Variants in PEPD observed in about 807,000 individuals in gnomAD.
The protein encoded by PEPD is xaa-Pro dipeptidase.
Under a neutral mutation model 60.7 loss-of-function variants are expected in PEPD, and 53 were observed. The ratio of observed to expected loss-of-function variants is 0.87; its 90% CI spans 0.70 to 1.10. The LOEUF (loss-of-function observed/expected upper bound fraction) is 1.10. PEPD is among the 50% of genes least tolerant of loss of function. The probability of loss-of-function intolerance (pLI) is 0.00; values close to 1 mark genes in which losing one functional copy is unlikely to be tolerated. For synonymous variants in PEPD, 267 were observed against 284.1 expected, an observed-to-expected ratio of 0.94 and a Z score of 0.60; for missense variants, 711 against 711.9, an observed-to-expected ratio of 1.00 and a Z score of 0.01.
chr19:33,512,568 C>T (rs1600176342), intron 2 of PEPD, 25 bp downstream of exon 2: 3 of 1,610,328 alleles, frequency 1.9e-6, no homozygotes, highest in Middle Eastern at 1.8e-4. Flanking sequence ...CACCTGCTCA[C>T]TTGTGGCCAA....
chr19:33,499,864 C>T (rs891259927), intron 4 of PEPD, among the ~76,000 whole-genome samples: 1 of 152,218 alleles, frequency 6.6e-6, no homozygotes, highest in Non-Finnish European at 1.5e-5. Context: ...GCTGGGCCCC[C>T]ACATGCTGGG....
At chr19:33,466,177 C>T (rs185223059) in intron 7 of PEPD, among the ~76,000 whole-genome samples, 19 of 152,300 alleles carry the variant, frequency 1.2e-4, no homozygotes, top group Admixed American at 1.2e-3. Context: ...AAGCTTAAAG[C>T]TCTTAGTGAT....
intron 7 of PEPD, among the ~76,000 whole-genome samples, chr19:33,474,346 G>A (rs1970178113): frequency 6.6e-6 from 1 of 152,220 alleles, no homozygotes; most frequent in East Asian, 1.9e-4. Context: ...TTCTTCATCT[G>A]TAGCATGGAA....
At chr19:33,424,907 T>A (rs1428096834) in intron 9 of PEPD, among the ~76,000 whole-genome samples, 1 of 151,888 alleles carries the variant, frequency 6.6e-6, no homozygotes, top group Non-Finnish European at 1.5e-5. Context: ...TTTACTACCA[T>A]GAGAACAGTA....
intron 9 of PEPD, among the ~76,000 whole-genome samples, chr19:33,440,682 C>T (rs551696334): frequency 2.0e-5 from 3 of 152,182 alleles, no homozygotes; most frequent in Non-Finnish European, 2.9e-5. Context: ...CCCAGGACTC[C>T]CTCTACTGCC....
intron 3 of PEPD, among the ~76,000 whole-genome samples, chr19:33,507,092 C>G (rs1266851741): frequency 6.6e-6 from 1 of 152,132 alleles, no homozygotes; most frequent in Non-Finnish European, 1.5e-5. Context: ...AACCCTCCCA[C>G]CATACCCGCA....
At chr19:33,484,501 C>T (rs1373625490) in intron 6 of PEPD, among the ~76,000 whole-genome samples, 16 of 152,120 alleles carry the variant, frequency 1.1e-4, no homozygotes, top group Admixed American at 9.8e-4. Context: ...CGGACACATA[C>T]AGCCATGTGC....
chr19:33,455,602 AAGC>A (rs1969780742), intron 9 of PEPD, among the ~76,000 whole-genome samples: 1 of 151,866 alleles, frequency 6.6e-6, no homozygotes, highest in Non-Finnish European at 1.5e-5. Flanking sequence ...TCCTGGGCTC[AAGC>A]AATCCTCCTG....
chr19:33,447,324 C>A (rs140043127), intron 9 of PEPD, among the ~76,000 whole-genome samples: 11 of 152,310 alleles, frequency 7.2e-5, no homozygotes, highest in Non-Finnish European at 7.4e-5. Context: ...GACCCTGGGG[C>A]TCTGCCTCCA....
At chr19:33,397,656 C>T (rs1968396567) in intron 12 of PEPD, among the ~76,000 whole-genome samples, 1 of 151,746 alleles carries the variant, frequency 6.6e-6, no homozygotes, top group African/African-American at 2.4e-5. Flanking sequence ...AGGGATCCTC[C>T]AGACCCCAGG....
chr19:33,411,286 A>T (rs1489020890), intron 11 of PEPD, among the ~76,000 whole-genome samples: 2 of 152,090 alleles, frequency 1.3e-5, no homozygotes, highest in African/African-American at 4.8e-5. Context: ...CCAGCTCCAG[A>T]CCAAGAGGCC....
At chr19:33,422,203 A>G (rs1315916843) in intron 9 of PEPD, among the ~76,000 whole-genome samples, 1 of 151,986 alleles carries the variant, frequency 6.6e-6, no homozygotes, top group African/African-American at 2.4e-5. Flanking sequence ...CCAGAAAGCC[A>G]CAGCATGCTC....
intron 6 of PEPD, among the ~76,000 whole-genome samples, chr19:33,489,682 A>G (rs1358764490): frequency 6.6e-6 from 1 of 152,040 alleles, no homozygotes; most frequent in South Asian, 2.1e-4. Flanking sequence ...CACAGACCAC[A>G]GGGGCTCACA....
At chr19:33,504,877 G>A (rs1191375071) in intron 3 of PEPD, among the ~76,000 whole-genome samples, 1 of 152,094 alleles carries the variant, frequency 6.6e-6, no homozygotes, top group Non-Finnish European at 1.5e-5. Context: ...GGAGAGAGGA[G>A]AAGTCCTCCT....
At chr19:33,453,918 G>T (rs755596379) in intron 9 of PEPD, among the ~76,000 whole-genome samples, 1 of 152,170 alleles carries the variant, frequency 6.6e-6, no homozygotes, top group African/African-American at 2.4e-5. Flanking sequence ...CTCCTAAGTC[G>T]GCTTCTTAAA....
chr19:33,393,649 T>C (rs933541397), intron 12 of PEPD, among the ~76,000 whole-genome samples: 32 of 152,208 alleles, frequency 2.1e-4, no homozygotes, highest in African/African-American at 7.2e-4. Context: ...GACAGTGGCA[T>C]TGGCCACCAT....
chr19:33,424,907 T>G (rs1428096834), intron 9 of PEPD, among the ~76,000 whole-genome samples: 1 of 151,888 alleles, frequency 6.6e-6, no homozygotes, highest in Admixed American at 6.6e-5. Context: ...TTTACTACCA[T>G]GAGAACAGTA....
intron 9 of PEPD, among the ~76,000 whole-genome samples, chr19:33,453,313 T>TAAAAAAAAA (rs767526615): frequency 6.7e-6 from 1 of 149,232 alleles, no homozygotes; most frequent in Non-Finnish European, 1.5e-5. Flanking sequence ...AACACTGTCA[T>TAAAAAAAAA]AAAAAAATAA....
intron 9 of PEPD, among the ~76,000 whole-genome samples, chr19:33,454,737 T>C (rs1455010395): frequency 6.6e-6 from 1 of 151,930 alleles, no homozygotes; most frequent in Non-Finnish European, 1.5e-5. Context: ...GCCTTAAGTG[T>C]GGGTGGCACA....
Sources: gnomAD v4.1 joint callset for allele counts (sites outside exome capture counted in the v4.1 genomes callset) on GRCh38, gnomAD v4.1.1 for gene constraint, MANE v1.5 for transcripts, NCBI Gene and HGNC (gene_info 2026-07-23, HGNC 2026-07-21) for gene names.